The following KIF11 variants were observed in gnomAD, a reference collection of about 807,000 sequenced individuals.
KIF11 encodes the protein kinesin family member 11.
KIF11 carries 9 observed loss-of-function variants against 121.0 expected under a neutral mutation model. The observed-to-expected ratio is 0.07, with a 90% CI of 0.04 to 0.13. The LOEUF is 0.13. Among genes scored for constraint, KIF11 ranks in the 10% least tolerant of loss-of-function variants. The pLI is 1.00. For synonymous variants in KIF11, 408 were observed against 421.0 expected (o/e 0.97, Z 0.38); for missense variants, 846 against 1,217.5 (o/e 0.69, Z 4.54).
intron 21 of KIF11, among the ~76,000 whole-genome samples, chr10:92,652,913 G>T (rs926664226): frequency 2.0e-5 from 3 of 152,172 alleles, no homozygotes; most frequent in Non-Finnish European, 4.4e-5. Context: ...AACTTTAAAA[G>T]TTGGTTTACA....
At chr10:92,601,315 C>T (rs1479583456) in intron 1 of KIF11, among the ~76,000 whole-genome samples, 1 of 152,162 alleles carries the variant, frequency 6.6e-6, no homozygotes, top group Non-Finnish European at 1.5e-5. Context: ...ATTCTCCTGC[C>T]TCAGCCTTCC....
intron 12 of KIF11, among the ~76,000 whole-genome samples, chr10:92,631,270 G>T (rs1487209691): frequency 1.3e-5 from 2 of 150,374 alleles, no homozygotes; most frequent in African/African-American, 4.9e-5. Flanking sequence ...CTCCAGCCTG[G>T]GTAACAGAGC....
chr10:92,638,043 T>C (rs1363806927), intron 16 of KIF11, among the ~76,000 whole-genome samples: 1 of 152,174 alleles, frequency 6.6e-6, no homozygotes, highest in Non-Finnish European at 1.5e-5. Flanking sequence ...ATCTTCCCTG[T>C]AAACTGTTCC....
intron 1 of KIF11, among the ~76,000 whole-genome samples, chr10:92,601,069 A>G (rs1216068729): frequency 6.6e-6 from 1 of 152,200 alleles, no homozygotes; most frequent in Non-Finnish European, 1.5e-5. Context: ...CATCTTGGCT[A>G]GGCTGGTCTT....
In KIF11 at chr10:92,651,938, T is replaced by C. The variant is rs140617542; in HGVS notation, c.3039+1421T>C. On this transcript the variant is annotated intron_variant, in intron 21 of 21. Coordinates refer to ENST00000260731, the MANE Select transcript of KIF11 (RefSeq NM_004523.4). ...TCTACATTTACAGTTGAAGTTCTACTTCTGAGATGCATATGCTTGTACCTT... is the reference window on the plus strand; with the variant it reads ...TCTACATTTACAGTTGAAGTTCTACCTCTGAGATGCATATGCTTGTACCTT... 1.5e-3 allele frequency among the ~76,000 whole-genome samples: 222 copies of C among 151,094 alleles called. 1 individual carries two copies. The highest frequency in any genetic ancestry group is 5.2e-3 in the African/African-American group (216 of 41,152).
chr10:92,604,558 A>G (rs926667057), intron 1 of KIF11, among the ~76,000 whole-genome samples: 11 of 152,188 alleles, frequency 7.2e-5, no homozygotes, highest in Admixed American at 7.2e-4. Context: ...AAGCATTACC[A>G]GATACTACCT....
At chr10:92,623,858 C>T (rs1389293552) in intron 10 of KIF11, among the ~76,000 whole-genome samples, 1 of 151,934 alleles carries the variant, frequency 6.6e-6, no homozygotes, top group Non-Finnish European at 1.5e-5. Flanking sequence ...TTTGTTTAGT[C>T]CCATGATTGA....
At chr10:92,594,755 C>T (rs1017809234) in intron 1 of KIF11, among the ~76,000 whole-genome samples, 2 of 152,096 alleles carry the variant, frequency 1.3e-5, no homozygotes, top group African/African-American at 4.8e-5. Context: ...TTATCTTGAA[C>T]TTGATGTTTA....
intron 14 of KIF11, among the ~76,000 whole-genome samples, chr10:92,635,661 A>G (rs1430582425): frequency 1.3e-5 from 2 of 152,236 alleles, no homozygotes; most frequent in Non-Finnish European, 2.9e-5. Context: ...TGTGATGCAG[A>G]GACAGAAAGT....
At chr10:92,616,091 C>A (rs1204681980) in intron 8 of KIF11, among the ~76,000 whole-genome samples, 1 of 152,028 alleles carries the variant, frequency 6.6e-6, no homozygotes, top group Non-Finnish European at 1.5e-5. Context: ...CCCGCCCCGG[C>A]CTTCCAAAGT....
intron 10 of KIF11, among the ~76,000 whole-genome samples, chr10:92,625,165 C>T (rs1406147211): frequency 1.3e-5 from 2 of 152,106 alleles, no homozygotes; most frequent in Admixed American, 1.3e-4. Context: ...TCCCTTTTCT[C>T]CACAACTTTA....
chr10:92,607,730 A>C (rs538826838), intron 4 of KIF11, among the ~76,000 whole-genome samples: 1 of 152,210 alleles, frequency 6.6e-6, no homozygotes, highest in African/African-American at 2.4e-5. Flanking sequence ...AATAACTAAG[A>C]GAGAGAACCA....
chr10:92,607,092 T>A, intron 3 of KIF11, 67 bp from the exon 4 acceptor site: 2 of 945,994 alleles, frequency 2.1e-6, no homozygotes. Context: ...TTTGTTTTTC[T>A]AGTCTATCAC....
intron 8 of KIF11, among the ~76,000 whole-genome samples, chr10:92,615,508 G>T (rs1844545225): frequency 6.6e-6 from 1 of 151,890 alleles, no homozygotes; most frequent in Non-Finnish European, 1.5e-5. Context: ...CTGATTTAAA[G>T]TATATTAATT....
At chr10:92,604,833 A>C (rs1430080043) in intron 1 of KIF11, among the ~76,000 whole-genome samples, 9 of 152,030 alleles carry the variant, frequency 5.9e-5, no homozygotes, top group Non-Finnish European at 1.2e-4. Flanking sequence ...TATTGATGCT[A>C]CTCTGTGGAC....
chr10:92,637,658 G>A, intron 16 of KIF11, 113 bp downstream of exon 16: 1 of 981,308 alleles, frequency 1.0e-6, no homozygotes, highest in Non-Finnish European at 1.5e-6. Context: ...GCTGAAACCT[G>A]AAAATACCAT....
At position 92,593,162 on chromosome 10, in the gene KIF11, G is replaced by C. The variant is rs1844248918; in HGVS notation, c.-214G>C. 5.6e-6 allele frequency: 3 copies of C among 534,212 alleles called. No homozygotes were observed. The highest frequency in any genetic ancestry group is 1.9e-5 in the African/African-American group (1 of 51,484). The allele number at this position is 534,212 out of a possible 1,614,324, so 33.1% of individuals were successfully genotyped here. A position where few individuals can be genotyped will look rare whatever the true frequency, so the allele number is the denominator to read the frequency against. ...GGGGATTCGGGCGGAGACGAGATTA[G>C]TGATTTGGCGGCTCCGACTGGCGCG... On this transcript the variant is annotated 5_prime_UTR_variant, in exon 1 of 22. Transcript: ENST00000260731.
chr10:92,652,235 G>A (rs775983021), intron 21 of KIF11, among the ~76,000 whole-genome samples: 1 of 151,834 alleles, frequency 6.6e-6, no homozygotes, highest in South Asian at 2.1e-4. Flanking sequence ...CCGCCTCCCG[G>A]GTTCTAGCGA....
At chr10:92,623,054 T>C (rs561886153) in intron 10 of KIF11, among the ~76,000 whole-genome samples, 3 of 152,206 alleles carry the variant, frequency 2.0e-5, no homozygotes, top group African/African-American at 7.2e-5. Flanking sequence ...TAATTCAACA[T>C]GAGATTTCAG....
Sources: allele counts gnomAD v4.1 joint callset (sites outside exome capture counted in the v4.1 genomes callset), GRCh38; gene constraint gnomAD v4.1.1; transcripts MANE v1.5; gene names NCBI Gene and HGNC (gene_info 2026-07-23, HGNC 2026-07-21).